The following KCNH7 variants were observed in gnomAD, a reference collection of about 807,000 sequenced individuals.
KCNH7 encodes the protein voltage-gated inwardly rectifying potassium channel KCNH7.
In KCNH7, 49 loss-of-function variants were observed where a neutral mutation model predicts 120.8. The observed-to-expected ratio is 0.41, with a 90% CI of 0.32 to 0.51. KCNH7 has a LOEUF of 0.51. Among genes scored for constraint, KCNH7 ranks in the 20% least tolerant of loss-of-function variants. The pLI is 0.38. For missense variants in KCNH7, 1,097 were observed against 1,446.6 expected (o/e 0.76, Z 3.92); for synonymous variants, 547 against 516.1 (o/e 1.06, Z -0.81).
At chr2:162,824,039 G>A (rs1197826624) in intron 2 of KCNH7, among the ~76,000 whole-genome samples, 1 of 152,050 alleles carries the variant, frequency 6.6e-6, no homozygotes. Flanking sequence ...AATCACGAAT[G>A]ATATTATAAA....
Position 162,400,384 on chromosome 2 carries a change from T to C in KCNH7, c.2212A>G (p.Thr738Ala), listed in dbSNP as rs1045380146. 1 of 1,612,330 alleles carries C rather than the reference T, an allele frequency of 6.2e-7. No individual in the cohort carries two copies. The highest frequency in any genetic ancestry group is 8.5e-7 in the Non-Finnish European group (1 of 1,178,878). The change falls in exon 10 of 16, where the codon ACA becomes GCA. Residue 738 changes from threonine to alanine, a missense_variant. Physicochemically the swap from Thr to Ala is moderately conservative, Grantham distance 58 (BLOSUM62 0). This residue lies in a region of KCNH7 where 101 missense variants were observed against 176.3 expected (regional missense o/e 0.57). Transcript: ENST00000332142. ...AAGGCTTTGCAGTTTTGCAGCAATG[T>C]CTGGTTGAGATGTAGACAAATGTCT... ...QADICLHLNQ[T>A]LLQNCKAFRG...
chr2:162,796,460 C>A (rs898896263), intron 2 of KCNH7: 5 of 152,080 alleles, frequency 3.3e-5, no homozygotes, highest in Non-Finnish European at 7.4e-5. Flanking sequence ...CAACTACCTG[C>A]CTCAGGTAAG....
At position 162,447,066 on chromosome 2, in the gene KCNH7, G is replaced by A. The variant is rs535582537; in HGVS notation, c.1129-623C>T. On this transcript the variant is annotated intron_variant, in intron 6 of 15. Coordinates refer to ENST00000332142, the MANE Select transcript of KCNH7 (RefSeq NM_033272.4). ...GGTTGAGAGAGTATTTGATATTCCG[G>A]GACAAATACACTTGCATTCCAACCC... 1.4e-4 allele frequency among the ~76,000 whole-genome samples: 21 copies of A among 152,004 alleles called. No individual in the cohort carries two copies. The South Asian group carries it at 1.9e-3, about 14-fold the overall frequency.
At chr2:162,774,554 A>C (rs1180820464) in intron 2 of KCNH7, among the ~76,000 whole-genome samples, 1 of 152,134 alleles carries the variant, frequency 6.6e-6, no homozygotes, top group Non-Finnish European at 1.5e-5. Flanking sequence ...TTTGGGCCAA[A>C]TGTACCAAGA....
chr2:162,768,408 G>T (rs915918064), intron 2 of KCNH7, among the ~76,000 whole-genome samples: 3 of 151,954 alleles, frequency 2.0e-5, no homozygotes, highest in Non-Finnish European at 2.9e-5. Flanking sequence ...CGATCATCTA[G>T]CATCATCCAT....
chr2:162,397,786 T>C (rs1379422620), intron 10 of KCNH7, among the ~76,000 whole-genome samples: 1 of 151,854 alleles, frequency 6.6e-6, no homozygotes, highest in Non-Finnish European at 1.5e-5. Flanking sequence ...AATAACTTCA[T>C]GAAGGAATTA....
At chr2:162,687,300 C>T (rs947906259) in intron 2 of KCNH7, among the ~76,000 whole-genome samples, 1 of 152,116 alleles carries the variant, frequency 6.6e-6, no homozygotes, top group African/African-American at 2.4e-5. Flanking sequence ...CTAGTTCACA[C>T]TGGCTCTCAA....
intron 6 of KCNH7, among the ~76,000 whole-genome samples, chr2:162,471,717 C>T (rs1452156950): frequency 2.0e-5 from 3 of 152,134 alleles, no homozygotes; most frequent in Middle Eastern, 3.2e-3. Context: ...TGACTTTCTT[C>T]ACAGAATTGG....
chr2:162,607,389 C>CAA (rs555585886), intron 2 of KCNH7, among the ~76,000 whole-genome samples: 2 of 131,956 alleles, frequency 1.5e-5, no homozygotes, highest in Admixed American at 1.5e-4. Flanking sequence ...GACTCAGTCT[C>CAA]AAAAAAAAAA....
chr2:162,755,203 C>T (rs553703185), intron 2 of KCNH7, among the ~76,000 whole-genome samples: 2 of 152,234 alleles, frequency 1.3e-5, no homozygotes, highest in South Asian at 4.1e-4. Flanking sequence ...CACAGTGGCT[C>T]ATGCCTATAA....
At chr2:162,497,134 A>T (rs1304036360) in intron 6 of KCNH7, 1 of 152,186 alleles carries the variant, frequency 6.6e-6, no homozygotes, top group Non-Finnish European at 1.5e-5. Flanking sequence ...ATCAGCCTGC[A>T]TTCCTAAAGA....
intron 2 of KCNH7, among the ~76,000 whole-genome samples, chr2:162,714,251 T>G (rs1687032115): frequency 6.6e-6 from 1 of 152,154 alleles, no homozygotes; most frequent in Admixed American, 6.6e-5. Flanking sequence ...GACACGTGCT[T>G]CCAGGAGTGG....
chr2:162,595,877 A>T (rs1413455149), intron 2 of KCNH7, among the ~76,000 whole-genome samples: 3 of 152,082 alleles, frequency 2.0e-5, no homozygotes, highest in African/African-American at 4.8e-5. Flanking sequence ...ATCACGGGTT[A>T]CAAAATCAAT....
intron 2 of KCNH7, among the ~76,000 whole-genome samples, chr2:162,776,118 A>G (rs369100522): frequency 1.3e-5 from 2 of 152,298 alleles, no homozygotes; most frequent in East Asian, 3.9e-4. Flanking sequence ...CTACGAATAT[A>G]CCGTTCTCTC....
At chr2:162,401,561 T>G (rs553361001) in intron 9 of KCNH7, among the ~76,000 whole-genome samples, 1 of 152,046 alleles carries the variant, frequency 6.6e-6, no homozygotes, top group South Asian at 2.1e-4. Flanking sequence ...AACTTCAAAT[T>G]AAATCATATG....
rs144016039 is a variant in KCNH7, at chr2:162,793,386, T to C, written c.307+43151A>G. Among the ~76,000 whole-genome samples, 174 of 151,736 alleles carry C rather than the reference T, an allele frequency of 1.1e-3. 5 individuals carry two copies. The East Asian group carries it at 0.028, about 25-fold the overall frequency. On this transcript the variant is annotated intron_variant, in intron 2 of 15. Coordinates refer to ENST00000332142, the MANE Select transcript of KCNH7 (RefSeq NM_033272.4). ...CTGGGTGATGAAATAATTTGTACAA[T>C]AAACCCCGATGAAACAAGTTTACCT...
chr2:162,641,758 A>G (rs1462768311), intron 2 of KCNH7, among the ~76,000 whole-genome samples: 4 of 152,134 alleles, frequency 2.6e-5, no homozygotes, highest in Non-Finnish European at 4.4e-5. Flanking sequence ...CTTGTAGTAT[A>G]GTTTTGCAAA....
chr2:162,529,648 A>G (rs1188407308), intron 3 of KCNH7, among the ~76,000 whole-genome samples: 1 of 151,974 alleles, frequency 6.6e-6, no homozygotes, highest in Non-Finnish European at 1.5e-5. Flanking sequence ...GTAAACAAGA[A>G]TGCATAATTT....
chr2:162,772,115 A>G (rs908661106), intron 2 of KCNH7: 13 of 152,184 alleles, frequency 8.5e-5, no homozygotes, highest in African/African-American at 2.2e-4. Flanking sequence ...TTGTTATATA[A>G]GATGATGAAT....
Sources: gnomAD v4.1 joint callset for allele counts (sites outside exome capture counted in the v4.1 genomes callset) on GRCh38, gnomAD v4.1.1 for gene constraint, gnomAD v4.1.1 regional missense constraint, MANE v1.5 for transcripts, NCBI Gene and HGNC (gene_info 2026-07-23, HGNC 2026-07-21) for gene names.